NRG1: variants seen among roughly 807,000 people sequenced by gnomAD.
NRG1 encodes neuregulin 1, also known as pro-neuregulin-1, membrane-bound isoform.
In NRG1, 18 loss-of-function variants were observed where a neutral mutation model predicts 63.8. That is an observed-to-expected ratio of 0.28 (90% CI 0.19 to 0.42). The LOEUF (loss-of-function observed/expected upper bound fraction) is 0.42, where lower values mean the gene tolerates loss of function less well. Ranked by LOEUF, NRG1 falls within the 10% of genes least tolerant of loss-of-function variation. NRG1 has a pLI of 1.00. For synonymous variants in NRG1, 302 were observed against 301.3 expected (o/e 1.00, Z -0.02); for missense variants, 762 against 814.7 (o/e 0.94, Z 0.79).
Position 32,730,533 on chromosome 8 carries a change from G to A in NRG1, c.632+2455G>A, listed in dbSNP as rs551273191. 3.3e-5 allele frequency among the ~76,000 whole-genome samples: 5 copies of A among 152,192 alleles called. No homozygotes were observed. In the East Asian group the frequency reaches 9.6e-4, roughly 29 times the overall value. On this transcript the variant is annotated intron_variant, in intron 6 of 11. Transcript: ENST00000356819. ...CTTTTAGATCTGAATTATCTCATAC[G>A]ACTATGTTTATTGTTTAAAAAATAA...
At chr8:31,824,539 C>A (rs948510791) in intron 1 of NRG1, among the ~76,000 whole-genome samples, 1 of 152,046 alleles carries the variant, frequency 6.6e-6, no homozygotes, top group Non-Finnish European at 1.5e-5. Flanking sequence ...CATCAATGGC[C>A]CCTACTTCTG....
intron 1 of NRG1, among the ~76,000 whole-genome samples, chr8:32,559,291 G>GT (rs1473613474): frequency 7.2e-6 from 1 of 138,106 alleles, no homozygotes; most frequent in East Asian, 2.3e-4. Context: ...TAAGAATCTG[G>GT]TTTTTGATTA....
chr8:31,847,442 A>G (rs150565718), intron 1 of NRG1, among the ~76,000 whole-genome samples: 3 of 152,360 alleles, frequency 2.0e-5, no homozygotes, highest in African/African-American at 4.8e-5. Flanking sequence ...TTCAGCAGAC[A>G]TAGCTTCTGC....
At chr8:32,308,951 T>G (rs1163568208) in intron 1 of NRG1, among the ~76,000 whole-genome samples, 2 of 152,192 alleles carry the variant, frequency 1.3e-5, no homozygotes, top group Non-Finnish European at 2.9e-5. Context: ...TTTGATGCAT[T>G]TGACTGTGGT....
chr8:32,564,615 T>C (rs1837086905), intron 1 of NRG1, among the ~76,000 whole-genome samples: 1 of 152,188 alleles, frequency 6.6e-6, no homozygotes, highest in Admixed American at 6.5e-5. Context: ...AATTATGGTA[T>C]TAGATAAAGC....
In NRG1 at chr8:32,038,270, G is replaced by A. The variant is rs551644702; in HGVS notation, c.37+398839G>A. On this transcript the variant is annotated intron_variant, in intron 1 of 10. Coordinates refer to the NRG1 transcript ENST00000519301. The stretch of plus-strand genomic sequence containing the variant: ...GCACGCAGGCTCCGGGTGGGCCCTC[G>A]CTCCACCCTGCTTTTCCTCACTGTC... 9.2e-5 allele frequency among the ~76,000 whole-genome samples: 14 copies of A among 152,274 alleles called. 1 individual carries two copies. In the South Asian group the frequency reaches 2.5e-3, roughly 27 times the overall value.
chr8:32,403,299 C>CAAAAA (rs68127664), intron 1 of NRG1, among the ~76,000 whole-genome samples: 2 of 89,800 alleles, frequency 2.2e-5, no homozygotes, highest in South Asian at 3.9e-4. Flanking sequence ...CACTCTGTCT[C>CAAAAA]AAAAAAAAAA....
intron 1 of NRG1, among the ~76,000 whole-genome samples, chr8:32,391,330 T>A (rs1811742073): frequency 6.6e-6 from 1 of 152,036 alleles, no homozygotes; most frequent in South Asian, 2.1e-4. Flanking sequence ...GACAGGTTCT[T>A]GTCATGTTGC....
chr8:32,560,243 C>A (rs1836122890), intron 1 of NRG1, among the ~76,000 whole-genome samples: 1 of 151,438 alleles, frequency 6.6e-6, no homozygotes, highest in South Asian at 2.1e-4. Context: ...AAAGTCAGAG[C>A]AATTTCAATT....
chr8:32,162,839 C>A (rs1393651084), intron 1 of NRG1, among the ~76,000 whole-genome samples: 1 of 152,144 alleles, frequency 6.6e-6, no homozygotes, highest in African/African-American at 2.4e-5. Context: ...ATTACTCCCA[C>A]CTGCTGGGTA....
intron 5 of NRG1, among the ~76,000 whole-genome samples, chr8:32,694,672 G>A (rs529881714): frequency 6.6e-6 from 1 of 152,156 alleles, no homozygotes; most frequent in African/African-American, 2.4e-5. Flanking sequence ...TAAGCAGAAC[G>A]TGTGGGTGTG....
intron 5 of NRG1, chr8:32,721,895 C>T: frequency 5.6e-6 from 8 of 1,437,216 alleles, no homozygotes; most frequent in Non-Finnish European, 6.4e-6. Flanking sequence ...CATTTTTTTC[C>T]CCAGTAGGAG....
intron 1 of NRG1, among the ~76,000 whole-genome samples, chr8:32,174,818 T>C (rs181841937): frequency 0.013 from 1,987 of 152,110 alleles, 26 homozygotes; most frequent in South Asian, 0.042. Context: ...AATAAGAGGC[T>C]CTGAAATTGA....
At chr8:32,013,602 A>T (rs576023918) in intron 1 of NRG1, among the ~76,000 whole-genome samples, 33 of 152,180 alleles carry the variant, frequency 2.2e-4, no homozygotes, top group Admixed American at 6.5e-5. Flanking sequence ...ACCAGATTCC[A>T]GCATCAGATC....
intron 1 of NRG1, chr8:32,171,357 A>G (rs1450009913): frequency 6.6e-6 from 1 of 152,194 alleles, no homozygotes; most frequent in Non-Finnish European, 1.5e-5. Flanking sequence ...TAAGACCTGC[A>G]TGAGAGGGTG....
chr8:32,344,926 A>G (rs1369271188), intron 1 of NRG1, among the ~76,000 whole-genome samples: 8 of 152,194 alleles, frequency 5.3e-5, no homozygotes, highest in South Asian at 4.1e-4. Context: ...TCTCTGAGCC[A>G]TAATTTCTGC....
intron 1 of NRG1, among the ~76,000 whole-genome samples, chr8:32,254,123 A>G (rs1586414936): frequency 6.6e-6 from 1 of 151,846 alleles, no homozygotes; most frequent in East Asian, 1.9e-4. Context: ...CTATTTTTTA[A>G]TCTTTTCAAA....
At chr8:32,759,467 C>G (rs1056942917) in intron 10 of NRG1, 31 bp downstream of exon 10, 1 of 1,606,874 alleles carries the variant, frequency 6.2e-7, no homozygotes, top group African/African-American at 1.3e-5. Context: ...CACGGCTTTT[C>G]TCTCAGAATG....
intron 1 of NRG1, among the ~76,000 whole-genome samples, chr8:32,456,205 T>A (rs1821576843): frequency 6.6e-6 from 1 of 152,220 alleles, no homozygotes; most frequent in Non-Finnish European, 1.5e-5. Context: ...TTCATTTTCA[T>A]AACAAGAAAA....
Sources: gnomAD v4.1 joint callset for allele counts (sites outside exome capture counted in the v4.1 genomes callset) on GRCh38, gnomAD v4.1.1 for gene constraint, MANE v1.5 for transcripts, NCBI Gene and HGNC (gene_info 2026-07-23, HGNC 2026-07-21) for gene names.